The following RAB27A variants were observed in gnomAD, a reference collection of about 807,000 sequenced individuals.
RAB27A encodes the protein ras-related protein Rab-27A.
Under a neutral mutation model 20.8 loss-of-function variants are expected in RAB27A, and 17 were observed. The observed-to-expected ratio is 0.82, with a 90% confidence interval of 0.56 to 1.23. The LOEUF is 1.23. Ranked by LOEUF, RAB27A falls within the 50% of genes most tolerant of loss-of-function variation. The pLI is 0.00. For missense variants in RAB27A, 277 were observed against 266.7 expected, an observed-to-expected ratio of 1.04 and a Z score of -0.27; for synonymous variants, 85 against 92.8, an observed-to-expected ratio of 0.92 and a Z score of 0.48.
intron 2 of RAB27A, among the ~76,000 whole-genome samples, chr15:55,261,919 C>T (rs906146327): frequency 6.6e-6 from 1 of 151,572 alleles, no homozygotes; most frequent in East Asian, 1.9e-4. Flanking sequence ...CACCTGTAAT[C>T]CCAGCTACTC....
intron 1 of RAB27A, chr15:55,317,725 T>A: frequency 2.5e-6 from 1 of 398,634 alleles, no homozygotes. Context: ...TTGAAAAATA[T>A]ATACTCCTCC....
chr15:55,242,406 C>G (rs1410142723), intron 2 of RAB27A, among the ~76,000 whole-genome samples: 1 of 152,012 alleles, frequency 6.6e-6, no homozygotes, highest in Admixed American at 6.6e-5. Flanking sequence ...TTATACTAAG[C>G]CTTATTCTTT....
intron 6 of RAB27A, among the ~76,000 whole-genome samples, chr15:55,207,781 C>T (rs1004162825): frequency 6.6e-6 from 1 of 152,078 alleles, no homozygotes; most frequent in African/African-American, 2.4e-5. Flanking sequence ...CTCCCAAGTT[C>T]AAGCGATTCT....
chr15:55,250,623 A>G (rs1220775494), intron 2 of RAB27A, among the ~76,000 whole-genome samples: 1 of 152,252 alleles, frequency 6.6e-6, no homozygotes, highest in Non-Finnish European at 1.5e-5. Context: ...TAAAGAATGA[A>G]CACAACATGT....
chr15:55,290,849 T>C (rs1430965336), upstream of RAB27A, among the ~76,000 whole-genome samples: 1 of 152,182 alleles, frequency 6.6e-6, no homozygotes, highest in Non-Finnish European at 1.5e-5. Context: ...CAGAGTAAAA[T>C]GTTGAGAAGC....
chr15:55,301,634 A>G (rs893045306), intron 2 of RAB27A, among the ~76,000 whole-genome samples: 3 of 132,404 alleles, frequency 2.3e-5, no homozygotes. Flanking sequence ...CATTTTCATC[A>G]CCCTAAAAAT....
chr15:55,219,849 C>G (rs550332292), intron 6 of RAB27A, among the ~76,000 whole-genome samples: 1 of 152,002 alleles, frequency 6.6e-6, no homozygotes, highest in East Asian at 1.9e-4. Flanking sequence ...GCATTTGTTC[C>G]AGGAAAATTC....
At chr15:55,313,791 G>A (rs1244480568) in intron 2 of RAB27A, among the ~76,000 whole-genome samples, 1 of 152,026 alleles carries the variant, frequency 6.6e-6, no homozygotes, top group Non-Finnish European at 1.5e-5. Context: ...GGCTGACATG[G>A]TGAAGCCCTG....
At chr15:55,206,906 A>G (rs747753526) in intron 6 of RAB27A, among the ~76,000 whole-genome samples, 23 of 152,212 alleles carry the variant, frequency 1.5e-4, no homozygotes, top group Non-Finnish European at 2.6e-4. Context: ...AGGCCGAAAT[A>G]CATGGCATTT....
intron 2 of RAB27A, among the ~76,000 whole-genome samples, chr15:55,297,780 A>G (rs2054955613): frequency 6.6e-6 from 1 of 152,208 alleles, no homozygotes; most frequent in Non-Finnish European, 1.5e-5. Flanking sequence ...CAAAATAGGA[A>G]TCCATGAATC....
At chr15:55,218,944 G>A (rs1026969164) in intron 6 of RAB27A, among the ~76,000 whole-genome samples, 6 of 152,048 alleles carry the variant, frequency 3.9e-5, no homozygotes, top group African/African-American at 1.4e-4. Flanking sequence ...GTTTCACCAT[G>A]TTGGCCAGGC....
At chr15:55,287,941 C>T (rs1001425394) in intron 1 of RAB27A, among the ~76,000 whole-genome samples, 4 of 152,098 alleles carry the variant, frequency 2.6e-5, no homozygotes, top group South Asian at 2.1e-4. Context: ...CAGAAATAAA[C>T]CTTTACATTC....
At chr15:55,293,482 T>C (rs539013770), upstream of RAB27A, among the ~76,000 whole-genome samples, 11 of 150,996 alleles carry the variant, frequency 7.3e-5, no homozygotes, top group African/African-American at 1.9e-4. Context: ...AAATGAACAA[T>C]TGAAAAGGAA....
chr15:55,284,034 C>G (rs531619282), intron 1 of RAB27A, among the ~76,000 whole-genome samples: 1 of 152,246 alleles, frequency 6.6e-6, no homozygotes, highest in East Asian at 1.9e-4. Context: ...TATTATTATG[C>G]TTTGACCTGG....
chr15:55,206,322 G>C (rs1309261853), intron 6 of RAB27A: 2 of 781,930 alleles, frequency 2.6e-6, no homozygotes, highest in Non-Finnish European at 3.1e-6. Flanking sequence ...GGAAGACAGA[G>C]ACAGAATTAA....
chr15:55,256,850 A>G (rs990109022), intron 2 of RAB27A, among the ~76,000 whole-genome samples: 3 of 152,170 alleles, frequency 2.0e-5, no homozygotes, highest in African/African-American at 7.2e-5. Flanking sequence ...CAGACATTCT[A>G]TGCTGTATGA....
At chr15:55,215,651 C>CAAA (rs562538229) in intron 6 of RAB27A, among the ~76,000 whole-genome samples, 7,770 of 76,362 alleles carry the variant, frequency 0.1, 566 homozygotes, top group Admixed American at 0.22. Flanking sequence ...GACTCCGTCT[C>CAAA]AAAAAAAAAA....
intron 6 of RAB27A, among the ~76,000 whole-genome samples, chr15:55,221,785 C>A (rs1383622723): frequency 6.6e-6 from 1 of 152,096 alleles, no homozygotes; most frequent in Non-Finnish European, 1.5e-5. Context: ...CATAAACCTG[C>A]AACTAGACCT....
At chr15:55,303,575 C>T (rs1348916557) in intron 2 of RAB27A, among the ~76,000 whole-genome samples, 1 of 75,314 alleles carries the variant, frequency 1.3e-5, no homozygotes, top group Non-Finnish European at 2.6e-5. Context: ...GGGTCGGCCC[C>T]CCGCCCGGCC....
Sources: allele counts gnomAD v4.1 joint callset (sites outside exome capture counted in the v4.1 genomes callset), GRCh38; gene constraint gnomAD v4.1.1; transcripts MANE v1.5; gene names NCBI Gene and HGNC (gene_info 2026-07-23, HGNC 2026-07-21).